FOXN3: variants seen among roughly 807,000 people sequenced by gnomAD.
The protein encoded by FOXN3 is forkhead box N3.
In FOXN3, 7 loss-of-function variants were observed where a neutral mutation model predicts 38.4. The observed-to-expected ratio is 0.18, with a 90% CI of 0.10 to 0.34. FOXN3 has a LOEUF of 0.34. FOXN3 is among the 10% of genes least tolerant of loss of function. FOXN3 has a pLI of 1.00. For missense variants in FOXN3, 456 were observed against 613.4 expected (o/e 0.74, Z 2.71); for synonymous variants, 230 against 242.2 (o/e 0.95, Z 0.47).
At chr14:89,437,840 T>A (rs1892302990) in intron 1 of FOXN3, among the ~76,000 whole-genome samples, 1 of 152,180 alleles carries the variant, frequency 6.6e-6, no homozygotes, top group African/African-American at 2.4e-5. Context: ...TTGTGCAAGA[T>A]CCAAGGACCC....
chr14:89,414,403 G>A (rs1891636797), intron 1 of FOXN3, among the ~76,000 whole-genome samples: 1 of 152,184 alleles, frequency 6.6e-6, no homozygotes, highest in South Asian at 2.1e-4. Flanking sequence ...AGCTGTGGAA[G>A]CTCTATTAGG....
intron 2 of FOXN3, among the ~76,000 whole-genome samples, chr14:89,389,221 A>G (rs1890870696): frequency 6.6e-6 from 1 of 152,182 alleles, no homozygotes; most frequent in African/African-American, 2.4e-5. Context: ...TGGAAGTAAA[A>G]TGTATGAAAG....
intron 4 of FOXN3, among the ~76,000 whole-genome samples, chr14:89,253,416 G>A (rs1318739626): frequency 1.3e-5 from 2 of 152,140 alleles, no homozygotes; most frequent in African/African-American, 4.8e-5. Context: ...CACTCCGTGA[G>A]GCGTGATCCA....
At chr14:89,510,284 T>C (rs1457340339) in intron 1 of FOXN3, among the ~76,000 whole-genome samples, 1 of 152,176 alleles carries the variant, frequency 6.6e-6, no homozygotes, top group African/African-American at 2.4e-5. Context: ...ACATTGCTTC[T>C]CTTAACAAGT....
intron 4 of FOXN3, among the ~76,000 whole-genome samples, chr14:89,197,978 A>G (rs1053997447): frequency 1.3e-5 from 2 of 152,254 alleles, no homozygotes; most frequent in Non-Finnish European, 2.9e-5. Context: ...TGAGAATGAC[A>G]CAACTGGGGC....
chr14:89,351,119 A>T (rs1256195989), intron 2 of FOXN3: 1 of 189,454 alleles, frequency 5.3e-6, no homozygotes, highest in African/African-American at 2.3e-5. Context: ...ATTGAAGAAC[A>T]CGTGCATTCT....
At chr14:89,390,490 TA>T (rs376776864) in intron 2 of FOXN3, among the ~76,000 whole-genome samples, 1,663 of 130,164 alleles carry the variant, frequency 0.013, 9 homozygotes, top group African/African-American at 0.017. Context: ...AGCTGCTTTT[TA>T]AAAAAAAAAA....
intron 3 of FOXN3, among the ~76,000 whole-genome samples, chr14:89,299,147 G>A (rs969494631): frequency 6.6e-6 from 1 of 152,216 alleles, no homozygotes; most frequent in South Asian, 2.1e-4. Flanking sequence ...TAGCTGATAT[G>A]GTTTGGCTGT....
chr14:89,603,978 A>T (rs1256624765), intron 1 of FOXN3, among the ~76,000 whole-genome samples: 2 of 152,206 alleles, frequency 1.3e-5, no homozygotes, highest in Non-Finnish European at 2.9e-5. Flanking sequence ...TCTTTACTAA[A>T]AATGTGTAAC....
intron 4 of FOXN3, chr14:89,190,302 G>A: frequency 1.9e-6 from 2 of 1,073,818 alleles, no homozygotes; most frequent in Non-Finnish European, 2.8e-6. Context: ...TTTAGCATTA[G>A]TTCTTCCTAT....
intron 1 of FOXN3, among the ~76,000 whole-genome samples, chr14:89,604,214 C>A (rs1237792346): frequency 1.4e-5 from 2 of 138,614 alleles, no homozygotes; most frequent in East Asian, 2.0e-4. Context: ...AAAACACACA[C>A]ACACACACAC....
chr14:89,514,386 C>T (rs1894161324), intron 1 of FOXN3, among the ~76,000 whole-genome samples: 1 of 152,202 alleles, frequency 6.6e-6, no homozygotes, highest in Non-Finnish European at 1.5e-5. Flanking sequence ...AACCGATGGC[C>T]ATCCACACCT....
intron 2 of FOXN3, among the ~76,000 whole-genome samples, chr14:89,363,638 A>G (rs1889968464): frequency 6.6e-6 from 1 of 152,212 alleles, no homozygotes; most frequent in African/African-American, 2.4e-5. Context: ...ACCTAACACC[A>G]TACTCAGCAT....
At chr14:89,582,817 T>C (rs954383177) in intron 1 of FOXN3, among the ~76,000 whole-genome samples, 1 of 152,196 alleles carries the variant, frequency 6.6e-6, no homozygotes, top group African/African-American at 2.4e-5. Context: ...ATGCTTTCTG[T>C]CCTTATAGAT....
intron 1 of FOXN3, among the ~76,000 whole-genome samples, chr14:89,553,675 G>A (rs1042967854): frequency 6.6e-6 from 1 of 152,018 alleles, no homozygotes; most frequent in African/African-American, 2.4e-5. Flanking sequence ...CAACTCCATC[G>A]CTCATCCGGA....
At chr14:89,448,955 A>G (rs1892563801) in intron 1 of FOXN3, among the ~76,000 whole-genome samples, 3 of 147,538 alleles carry the variant, frequency 2.0e-5, no homozygotes, top group Middle Eastern at 6.8e-3. Flanking sequence ...AAAAAAAAAA[A>G]AGAAAGAAAA....
Position 89,440,548 on chromosome 14 carries a change from C to T in FOXN3, c.-14-28058G>A, listed in dbSNP as rs148189963. Among the ~76,000 whole-genome samples, 723 of 152,276 alleles carry T rather than the reference C, an allele frequency of 4.7e-3. 10 individuals are homozygous for T. The highest frequency in any genetic ancestry group is 0.034 in the East Asian group (178 of 5,176). On this transcript the variant is annotated intron_variant, in intron 1 of 6. Coordinates refer to the FOXN3 transcript ENST00000345097. ...TTCTTGCCTTAAGTGATGACATTAC[C>T]TTGTGAAAGTCCTTTTCCTGGCTCA...
intron 4 of FOXN3, among the ~76,000 whole-genome samples, chr14:89,266,802 G>A (rs558400375): frequency 4.1e-4 from 62 of 152,184 alleles, no homozygotes; most frequent in African/African-American, 1.2e-3. Context: ...CCTCCTGACC[G>A]GCTCAATATG....
intron 1 of FOXN3, among the ~76,000 whole-genome samples, chr14:89,609,940 A>G (rs1156308928): frequency 6.6e-6 from 1 of 152,060 alleles, no homozygotes; most frequent in African/African-American, 2.4e-5. Flanking sequence ...CCTGGGAAAT[A>G]AGGATAATGG....
Sources: allele counts gnomAD v4.1 joint callset (sites outside exome capture counted in the v4.1 genomes callset), GRCh38; gene constraint gnomAD v4.1.1; transcripts MANE v1.5; gene names NCBI Gene and HGNC (gene_info 2026-07-23, HGNC 2026-07-21).